The following CNTN4 variants were observed in gnomAD, a reference collection of about 807,000 sequenced individuals.
CNTN4 encodes contactin 4.
In CNTN4, 77 loss-of-function variants were observed where a neutral mutation model predicts 122.5. That is an observed-to-expected ratio of 0.63 (90% CI 0.52 to 0.76). The LOEUF (loss-of-function observed/expected upper bound fraction) is 0.76, where lower values mean the gene tolerates loss of function less well. Ranked by LOEUF, CNTN4 falls within the 30% of genes least tolerant of loss-of-function variation. The pLI is 0.00. For synonymous variants in CNTN4, 512 were observed against 447.0 expected (o/e 1.15, Z -1.83); for missense variants, 1,256 against 1,259.1 (o/e 1.00, Z 0.04).
chr3:2,508,010 T>A (rs973267276), intron 3 of CNTN4, among the ~76,000 whole-genome samples: 1 of 152,172 alleles, frequency 6.6e-6, no homozygotes, highest in African/African-American at 2.4e-5. Context: ...TGATGTCACA[T>A]TGACATAATT....
chr3:3,033,854 C>G (rs1699381868), intron 16 of CNTN4, among the ~76,000 whole-genome samples: 2 of 152,130 alleles, frequency 1.3e-5, no homozygotes, highest in Non-Finnish European at 2.9e-5. Context: ...ATCTGATTTC[C>G]TCCCCTTTCC....
chr3:2,290,477 A>T (rs765517130), intron 2 of CNTN4, among the ~76,000 whole-genome samples: 7 of 152,340 alleles, frequency 4.6e-5, no homozygotes, highest in Admixed American at 1.3e-4. Flanking sequence ...TACAGGGGAA[A>T]ATCATTAACG....
Position 2,736,222 on chromosome 3 carries a change from C to T in CNTN4, c.63C>T (p.Ser21=), listed in dbSNP as rs528403275. The T allele has an allele frequency of 8.5e-5, 137 of 1,613,336 alleles. 1 individual carries two copies. The South Asian group carries it at 1.4e-3, about 17-fold the overall frequency. Residue 21 remains serine (S), a synonymous_variant, in exon 5 of 25, where the codon TCC becomes TCT. Transcript: ENST00000418658. ...TTTCTCTTCTCATTTCAGATGATTC[C>T]ACACTGCATGGCCCGATTTTTATTC... The part of the protein sequence containing the change: ...QSFILCLADD[S]TLHGPIFIQE...
chr3:2,203,201 C>T (rs2038181098), intron 2 of CNTN4, among the ~76,000 whole-genome samples: 1 of 152,014 alleles, frequency 6.6e-6, no homozygotes, highest in African/African-American at 2.4e-5. Context: ...GACTTTTACA[C>T]AGTATTTAAC....
chr3:2,400,290 C>A (rs1232117644), intron 3 of CNTN4, among the ~76,000 whole-genome samples: 1 of 150,024 alleles, frequency 6.7e-6, no homozygotes, highest in East Asian at 2.0e-4. Flanking sequence ...CTCCATTTTT[C>A]CATAATATAT....
rs908859124 is a variant in CNTN4, at chr3:2,371,211, A to C, written c.-89+31978A>C. Among the ~76,000 whole-genome samples, 5 of 152,272 alleles carry C rather than the reference A, an allele frequency of 3.3e-5. No homozygotes were observed. The South Asian group carries it at 1.0e-3, about 32-fold the overall frequency. On this transcript the variant is annotated intron_variant, in intron 3 of 24. Transcript: ENST00000418658. Reference sequence around the variant, plus strand: ...TTTAAGTTAACCTTGATATCCCCTGAGGTTAGGTTCCCACTGCACTTGGAG... The same window carrying C: ...TTTAAGTTAACCTTGATATCCCCTGCGGTTAGGTTCCCACTGCACTTGGAG...
chr3:2,597,102 G>A (rs1406972723), intron 4 of CNTN4, among the ~76,000 whole-genome samples: 3 of 152,144 alleles, frequency 2.0e-5, no homozygotes, highest in Admixed American at 1.3e-4. Flanking sequence ...CCCAAACTTA[G>A]TTTGCAAATG....
intron 3 of CNTN4, among the ~76,000 whole-genome samples, chr3:2,552,665 A>G (rs1294606942): frequency 6.6e-6 from 1 of 152,146 alleles, no homozygotes; most frequent in African/African-American, 2.4e-5. Flanking sequence ...ATCTCTTTGG[A>G]AGGTGAGCTG....
At chr3:2,510,557 A>C (rs1342185613) in intron 3 of CNTN4, among the ~76,000 whole-genome samples, 1 of 152,076 alleles carries the variant, frequency 6.6e-6, no homozygotes, top group African/African-American at 2.4e-5. Context: ...TATGAGTGAC[A>C]CAGGCGCTGA....
chr3:2,822,569 T>G (rs1016837380), intron 7 of CNTN4, among the ~76,000 whole-genome samples: 1 of 152,356 alleles, frequency 6.6e-6, no homozygotes, highest in African/African-American at 2.4e-5. Flanking sequence ...TTTTACTAAT[T>G]TCTTCTGCAG....
chr3:3,009,123 G>C (rs1559783313), intron 14 of CNTN4: 1 of 688,752 alleles, frequency 1.5e-6, no homozygotes, highest in Non-Finnish European at 1.8e-6. Context: ...CATGACTGGA[G>C]AGTAGGGGCC....
chr3:2,101,074 A>G (rs1039343116), intron 2 of CNTN4, among the ~76,000 whole-genome samples: 3 of 152,232 alleles, frequency 2.0e-5, no homozygotes, highest in East Asian at 1.9e-4. Context: ...TTGGGAGTCA[A>G]TGCAGTACCT....
chr3:2,937,393 T>C lies in CNTN4; in HGVS notation c.1358+11614T>C, dbSNP rs575908159. 1.3e-3 allele frequency among the ~76,000 whole-genome samples: 197 copies of C among 152,168 alleles called. 1 individual carries two copies. The highest frequency in any genetic ancestry group is 4.5e-3 in the African/African-American group (188 of 41,516). On this transcript the variant is annotated intron_variant, in intron 13 of 24. Coordinates refer to ENST00000418658, the MANE Select transcript of CNTN4 (RefSeq NM_175607.3). ...ATGTGAAGACACAGAGGGTGAGGGA[T>C]GGTGGCAGTGGAGAGAAAAGTAGAT...
intron 13 of CNTN4, among the ~76,000 whole-genome samples, chr3:2,979,425 G>C (rs139590508): frequency 6.6e-6 from 1 of 152,132 alleles, no homozygotes; most frequent in Non-Finnish European, 1.5e-5. Flanking sequence ...GGGGCTACTT[G>C]GTGACAGTAG....
chr3:2,302,067 A>G (rs2042546206), intron 2 of CNTN4, among the ~76,000 whole-genome samples: 2 of 152,158 alleles, frequency 1.3e-5, no homozygotes, highest in South Asian at 2.1e-4. Context: ...ACCCATTTAT[A>G]TTTTTTTGTG....
chr3:2,319,725 A>T (rs993902031), intron 2 of CNTN4, among the ~76,000 whole-genome samples: 14 of 152,222 alleles, frequency 9.2e-5, no homozygotes, highest in African/African-American at 3.4e-4. Context: ...TTTGGTGAAT[A>T]GTTGGCTATT....
chr3:2,669,019 C>T (rs138830064), intron 4 of CNTN4, among the ~76,000 whole-genome samples: 20,165 of 152,064 alleles, frequency 0.13, 1,535 homozygotes, highest in African/African-American at 0.2. Context: ...ATTTTTGCAT[C>T]GATGTTCATC....
chr3:2,318,996 G>A (rs936329350), intron 2 of CNTN4, among the ~76,000 whole-genome samples: 8 of 152,068 alleles, frequency 5.3e-5, no homozygotes, highest in African/African-American at 1.4e-4. Flanking sequence ...TTTATTTTAC[G>A]GAGGGGCCAG....
intron 7 of CNTN4, among the ~76,000 whole-genome samples, chr3:2,862,762 G>T (rs62234244): frequency 0.15 from 22,796 of 152,066 alleles, 1,708 homozygotes; most frequent in Middle Eastern, 0.26. Flanking sequence ...AGTTTATTTT[G>T]TTTTATTTAC....
Sources: gnomAD v4.1 joint callset for allele counts (sites outside exome capture counted in the v4.1 genomes callset) on GRCh38, gnomAD v4.1.1 for gene constraint, MANE v1.5 for transcripts, NCBI Gene and HGNC (gene_info 2026-07-23, HGNC 2026-07-21) for gene names.